CUX2: variants seen among roughly 807,000 people sequenced by gnomAD.
CUX2 encodes the protein homeobox protein cut-like 2.
In CUX2, 40 loss-of-function variants were observed where a neutral mutation model predicts 144.8. The observed-to-expected ratio is 0.28, with a 90% CI of 0.21 to 0.36. The LOEUF is 0.36. CUX2 is among the 10% of genes least tolerant of loss of function. The pLI is 1.00. For synonymous variants in CUX2, 827 were observed against 875.6 expected (o/e 0.94, Z 0.98); for missense variants, 1,615 against 1,994.0 (o/e 0.81, Z 3.62).
intron 1 of CUX2, chr12:111,100,137 G>A (rs1001997094): frequency 9.0e-6 from 4 of 443,214 alleles, no homozygotes; most frequent in African/African-American, 2.0e-5. Context: ...AGGACCCGCC[G>A]AGGGTTGAGA....
intron 1 of CUX2, among the ~76,000 whole-genome samples, chr12:111,063,183 C>T (rs368643085): frequency 2.0e-5 from 3 of 152,248 alleles, no homozygotes; most frequent in South Asian, 2.1e-4. Flanking sequence ...AAGGTTGGCA[C>T]AAGAATAAAG....
chr12:111,155,934 AAT>A lies in CUX2; in HGVS notation c.64-58264_64-58263del, dbSNP rs202132459. ...AACAGCTTAAAAAATAAAAAAAAAA[AAT>A]AAAAATAAAAACCAGCCAACAATAA... On this transcript the variant is annotated intron_variant, in intron 1 of 21. Coordinates refer to ENST00000261726, the MANE Select transcript of CUX2 (RefSeq NM_015267.4). 9.3e-3 allele frequency among the ~76,000 whole-genome samples: 1,417 copies of A among 152,096 alleles called. 14 individuals carry two copies. Among genetic ancestry groups the A allele is most frequent in the African/African-American group, 0.033 (1,355 of 41,392 alleles).
chr12:111,313,883 G>A (rs1887036798), intron 16 of CUX2, among the ~76,000 whole-genome samples: 2 of 152,156 alleles, frequency 1.3e-5, no homozygotes, highest in South Asian at 2.1e-4. Flanking sequence ...CCAGCACAGC[G>A]TAGACTGACT....
chr12:111,105,021 G>T (rs1198353949), intron 1 of CUX2, among the ~76,000 whole-genome samples: 2 of 152,200 alleles, frequency 1.3e-5, no homozygotes, highest in African/African-American at 2.4e-5. Flanking sequence ...GTTTTCCCAG[G>T]CATGCCTTAT....
At chr12:111,089,031 G>C (rs978443000) in intron 1 of CUX2, among the ~76,000 whole-genome samples, 2 of 152,158 alleles carry the variant, frequency 1.3e-5, no homozygotes, top group African/African-American at 4.8e-5. Flanking sequence ...GTGCAGTGTT[G>C]GGTGGTATTA....
intron 3 of CUX2, among the ~76,000 whole-genome samples, chr12:111,227,901 A>T (rs1882241434): frequency 6.6e-6 from 1 of 152,166 alleles, no homozygotes; most frequent in Non-Finnish European, 1.5e-5. Flanking sequence ...GTGGCCCCAG[A>T]TACCTTTCCT....
chr12:111,040,994 G>T (rs994428293), intron 1 of CUX2, among the ~76,000 whole-genome samples: 1 of 152,172 alleles, frequency 6.6e-6, no homozygotes, highest in East Asian at 1.9e-4. Flanking sequence ...TCAGTTAAGA[G>T]TATTAAAGTG....
At chr12:111,185,099 T>C (rs572128201) in intron 1 of CUX2, among the ~76,000 whole-genome samples, 67 of 152,298 alleles carry the variant, frequency 4.4e-4, no homozygotes, top group African/African-American at 1.1e-3. Context: ...AGGTATGGGA[T>C]ATCCTCTGAG....
chr12:111,186,044 ACTCT>A lies in CUX2; in HGVS notation c.64-28152_64-28149del, dbSNP rs1346889116. Among the ~76,000 whole-genome samples the A allele has an allele frequency of 7.5e-6, 1 of 134,214 alleles. No homozygotes were observed. Among genetic ancestry groups the A allele is most frequent in the African/African-American group, 2.8e-5 (1 of 35,282 alleles). 88.0% of individuals were successfully genotyped at this position (134,214 alleles called of 152,430 possible). On this transcript the variant is annotated intron_variant, in intron 1 of 21. Transcript: ENST00000261726. This position sits in a 1 kb window ranked among gnomAD's most constrained non-coding sequence, Gnocchi z 4.4. The stretch of plus-strand genomic sequence containing the variant: ...TTCTGGTCCTCTCTCTTTCACTCTC[ACTCT>A]CTCCCTCCCTCCCTTCCTCCTCCTG...
rs1308682029 is a variant in CUX2 at position 111,296,398 on chromosome 12, G to GGAGACCCA, written c.638-74_638-73insAGACCCAG. The GGAGACCCA allele has an allele frequency of 3.7e-5, 50 of 1,369,664 alleles. No homozygotes were observed. In the South Asian group the frequency reaches 6.3e-4, roughly 17 times the overall value. 84.8% of individuals were successfully genotyped at this position (1,369,664 alleles called of 1,614,324 possible). A position where few individuals can be genotyped will look rare whatever the true frequency, so the allele number is the denominator to read the frequency against. On this transcript the variant is annotated intron_variant, in intron 7 of 21. Transcript: ENST00000261726. ...CCTGCTGGGCTTCGCAGAAGGAGTG[G>GGAGACCCA]GCTCCACCTCCCTGGGAGACCCAGC...
Position 111,338,487 on chromosome 12 carries a change from C to T in CUX2, c.3385+13C>T, listed in dbSNP as rs1362693614. 5 of 1,604,046 alleles carry T rather than the reference C, an allele frequency of 3.1e-6. No individual in the cohort carries two copies. The African/African-American group carries it at 4.0e-5, about 13-fold the overall frequency. The stretch of plus-strand genomic sequence containing the variant: ...CTGGAGAAGAAAGGTAAGACTTGGG[C>T]AGAGGATGGGCCCCAGCACTGGGTC... On this transcript the variant is annotated intron_variant, in intron 20 of 21. Transcript: ENST00000261726.
intron 1 of CUX2, among the ~76,000 whole-genome samples, chr12:111,174,629 A>G (rs1878737562): frequency 6.6e-6 from 1 of 152,208 alleles, no homozygotes; most frequent in South Asian, 2.1e-4. Flanking sequence ...GCAGAGGGGG[A>G]AAACTGAGAT....
chr12:111,066,586 T>C (rs943367377), intron 1 of CUX2, among the ~76,000 whole-genome samples: 1 of 152,024 alleles, frequency 6.6e-6, no homozygotes, highest in East Asian at 1.9e-4. Context: ...TAAGCACCCA[T>C]TGGGTGAGGG....
chr12:111,223,222 G>A (rs1473868056), intron 3 of CUX2, among the ~76,000 whole-genome samples: 1 of 152,056 alleles, frequency 6.6e-6, no homozygotes, highest in East Asian at 1.9e-4. Flanking sequence ...CTAGGATTCC[G>A]CATGGAATCC....
rs973730053 is a variant in CUX2 at position 111,085,465 on chromosome 12, C to A, written c.63+51225C>A. 2.6e-5 allele frequency among the ~76,000 whole-genome samples: 4 copies of A among 152,180 alleles called. No individual in the cohort carries two copies. In the East Asian group the frequency reaches 7.7e-4, roughly 29 times the overall value. On this transcript the variant is annotated intron_variant, in intron 1 of 21. Coordinates refer to ENST00000261726, the MANE Select transcript of CUX2 (RefSeq NM_015267.4). ...TGTGTTCAGAAGGGTTGAGGAACATCCTGGAAGCCAGTGGGGATGGGATGA... is the reference window on the plus strand; with the variant it reads ...TGTGTTCAGAAGGGTTGAGGAACATACTGGAAGCCAGTGGGGATGGGATGA...
At chr12:111,209,352 C>T (rs1881085627) in intron 1 of CUX2, among the ~76,000 whole-genome samples, 1 of 152,114 alleles carries the variant, frequency 6.6e-6, no homozygotes, top group Non-Finnish European at 1.5e-5. Context: ...TGTGATCATG[C>T]CATTGCAGTC....
chr12:111,348,560 C>G lies in CUX2; in HGVS notation c.*235C>G. The G allele has an allele frequency of 4.1e-6, 2 of 485,796 alleles. No homozygotes were observed. Among genetic ancestry groups the G allele is most frequent in the South Asian group, 7.8e-5 (2 of 25,488 alleles). 30.1% of individuals were successfully genotyped at this position (485,796 alleles called of 1,614,324 possible). A position where few individuals can be genotyped will look rare whatever the true frequency, so the allele number is the denominator to read the frequency against. ...CCCCCCTGCTCCTCTTCACCCTGAC[C>G]CCTCTGCAGGAGGCAGAAGCAAAAT... On this transcript the variant is annotated 3_prime_UTR_variant, in exon 22 of 22. Transcript: ENST00000261726.
At chr12:111,088,575 G>T (rs187080413) in intron 1 of CUX2, among the ~76,000 whole-genome samples, 1 of 152,160 alleles carries the variant, frequency 6.6e-6, no homozygotes, top group African/African-American at 2.4e-5. Flanking sequence ...ACGATGTGAC[G>T]CTTTAACTCT....
intron 1 of CUX2, among the ~76,000 whole-genome samples, chr12:111,106,106 C>G (rs1341334150): frequency 6.8e-6 from 1 of 147,690 alleles, no homozygotes; most frequent in African/African-American, 2.5e-5. Context: ...CCCAAGCGAT[C>G]CCCCCACCTC....
Sources: gnomAD v4.1 joint callset for allele counts (sites outside exome capture counted in the v4.1 genomes callset) on GRCh38, gnomAD v4.1.1 for gene constraint, Gnocchi (gnomAD v3.1) non-coding constraint, MANE v1.5 for transcripts, NCBI Gene and HGNC (gene_info 2026-07-23, HGNC 2026-07-21) for gene names.